Variants in MPP2 observed in about 807,000 individuals in gnomAD.
MPP2 encodes the protein MAGUK p55 subfamily member 2.
Under a neutral mutation model 58.5 loss-of-function variants are expected in MPP2, and 42 were observed. The observed-to-expected ratio is 0.72, with a 90% CI of 0.56 to 0.93. MPP2 has a LOEUF of 0.93. MPP2 is among the 40% of genes least tolerant of loss of function. The probability of loss-of-function intolerance (pLI) is 0.00; values close to 1 mark genes in which losing one functional copy is unlikely to be tolerated. For synonymous variants in MPP2, 300 were observed against 307.8 expected (o/e 0.97, Z 0.26); for missense variants, 632 against 760.4 (o/e 0.83, Z 1.99).
chr17:43,907,453 C>A, intron 1 of MPP2, 21 bp downstream of exon 1: 1 of 985,566 alleles, frequency 1.0e-6, no homozygotes, highest in East Asian at 1.1e-4. Context: ...GGAGCTGGCC[C>A]GGGGGCCGGG....
Position 43,880,018 on chromosome 17 carries a change from C to A in MPP2, c.1151-34G>T. 1 of 1,608,034 alleles carries A rather than the reference C, an allele frequency of 6.2e-7. No individual in the cohort carries two copies. Among genetic ancestry groups the A allele is most frequent in the South Asian group, 1.1e-5 (1 of 90,888 alleles). On this transcript the variant is annotated intron_variant, in intron 10 of 12. Coordinates refer to ENST00000269095, the MANE Select transcript of MPP2 (RefSeq NM_005374.5). The surrounding 1 kb of genome is among the most constrained non-coding windows in gnomAD (Gnocchi z 5.2). ...ATGGGGGTAGGTTGGACCAAATGGG[C>A]AGGGGCAGGTTACAGTGCCTCAGAC...
intron 3 of MPP2, chr17:43,884,087 A>T: frequency 1.4e-6 from 1 of 702,732 alleles, no homozygotes. Context: ...ACTTTACCCC[A>T]AAGTATTTCA....
intron 1 of MPP2, among the ~76,000 whole-genome samples, chr17:43,906,868 C>G (rs114708456): frequency 1.4e-4 from 21 of 150,974 alleles, no homozygotes; most frequent in Middle Eastern, 3.2e-3. Flanking sequence ...ACCGCCCCCC[C>G]CTTAATTGAC....
intron 3 of MPP2, among the ~76,000 whole-genome samples, chr17:43,889,121 T>C (rs57800611): frequency 0.02 from 3,047 of 152,172 alleles, 74 homozygotes; most frequent in African/African-American, 0.059. Context: ...AGATGAGGTT[T>C]CACCATGTTG....
intron 6 of MPP2, 147 bp from the exon 7 acceptor site, chr17:43,881,736 C>T: frequency 9.1e-7 from 1 of 1,095,616 alleles, no homozygotes; most frequent in Non-Finnish European, 1.3e-6. Context: ...CCTGCCCATG[C>T]TCCTCCCTGG....
At position 43,880,633 on chromosome 17, in the gene MPP2, G is replaced by T. The variant is rs2047066182; in HGVS notation, c.1150+58C>A. 1.3e-6 allele frequency: 2 copies of T among 1,534,132 alleles called. No individual in the cohort carries two copies. The highest frequency in any genetic ancestry group is 1.8e-6 in the Non-Finnish European group (2 of 1,137,114). ...ATGCCCATTCGGTGGGCCCAGCCCT[G>T]GCCCCAGGGGAGCCCTGCTCCTTGT... On this transcript the variant is annotated intron_variant, in intron 10 of 12. Transcript: ENST00000269095. This position sits in a 1 kb window ranked among gnomAD's most constrained non-coding sequence, Gnocchi z 5.2.
In MPP2 at chr17:43,880,394, C is replaced by T. The variant is rs1475135784; in HGVS notation, c.1150+297G>A. ...CACACATGCAGCTCGTAGCCTGTTTCACCCGGGTGCACAGCTGGGCACTCA... is the reference window on the plus strand; with the variant it reads ...CACACATGCAGCTCGTAGCCTGTTTTACCCGGGTGCACAGCTGGGCACTCA... On this transcript the variant is annotated intron_variant, in intron 10 of 12. Coordinates refer to ENST00000269095, the MANE Select transcript of MPP2 (RefSeq NM_005374.5). This position sits in a 1 kb window ranked among gnomAD's most constrained non-coding sequence, Gnocchi z 5.2. Among the ~76,000 whole-genome samples, 1 of 152,332 alleles carries T rather than the reference C, an allele frequency of 6.6e-6. No individual in the cohort carries two copies. Among genetic ancestry groups the T allele is most frequent in the East Asian group, 1.9e-4 (1 of 5,182 alleles).
At chr17:43,899,255 AAAAAAG>A (rs1172515498) in intron 2 of MPP2, among the ~76,000 whole-genome samples, 1 of 53,334 alleles carries the variant, frequency 1.9e-5, no homozygotes, top group Non-Finnish European at 4.7e-5. Flanking sequence ...TCAAAAAAAA[AAAAAAG>A]AAAAAGAAAA....
chr17:43,901,142 A>AG (rs2048081409), intron 2 of MPP2: 2 of 443,106 alleles, frequency 4.5e-6, no homozygotes, highest in Admixed American at 1.3e-4. Context: ...CTCCACCGGG[A>AG]GGCAGCCTCA....
chr17:43,882,562 A>T, intron 5 of MPP2, 51 bp from the exon 6 acceptor site: 1 of 1,550,698 alleles, frequency 6.4e-7, no homozygotes, highest in Non-Finnish European at 8.7e-7. Flanking sequence ...CCAAGTCAGA[A>T]TCTTCAAATA....
Position 43,879,960 on chromosome 17 carries a change from G to C in MPP2, c.1175C>G (p.Ser392Ter). The change falls in exon 11 of 13, where the codon TCA (serine) becomes TGA (stop). Residue 392 changes from serine (S) to a stop codon, truncating the protein, a stop_gained. Transcript: ENST00000269095. LOFTEE classifies it high-confidence loss of function. This position sits in a 1 kb window ranked among gnomAD's most constrained non-coding sequence, Gnocchi z 4.1. ...GCTGTAACCCTGACCTTCCCGCTCTGAGTCTTTCGGCCGCCGGGAGGTGTC... is the reference window on the plus strand; with the variant it reads ...GCTGTAACCCTGACCTTCCCGCTCTCAGTCTTTCGGCCGCCGGGAGGTGTC... ...VPYTSRRPKD[S>*]EREGQGYSFV... 1 of 1,614,064 alleles carries C rather than the reference G, an allele frequency of 6.2e-7. No homozygotes were observed. The highest frequency in any genetic ancestry group is 8.5e-7 in the Non-Finnish European group (1 of 1,179,994).
intron 3 of MPP2, among the ~76,000 whole-genome samples, chr17:43,896,774 CT>C (rs1252511825): frequency 6.6e-6 from 1 of 152,180 alleles, no homozygotes; most frequent in African/African-American, 2.4e-5. Flanking sequence ...CAAACCTTCC[CT>C]TCTGAATCTT....
chr17:43,880,790 T>A lies in MPP2; in HGVS notation c.1051A>T (p.Lys351Ter). Reference protein sequence around the residue: ...EVARMPPFRRKTLVLIGAQGV... With the variant: ...EVARMPPFRR ...TGAGCCCCAATCAGTACCAGGGTTT[T>A]CCGGCGGAACGGGGGCATGCGGGCC... Residue 351 changes from lysine to a stop codon, truncating the protein, a stop_gained, in exon 10 of 13, where the codon AAA becomes TAA. Transcript: ENST00000269095. LOFTEE classifies it high-confidence loss of function. This position sits in a 1 kb window ranked among gnomAD's most constrained non-coding sequence, Gnocchi z 5.2. 1 of 1,613,794 alleles carries A rather than the reference T, an allele frequency of 6.2e-7. No homozygotes were observed. The highest frequency in any genetic ancestry group is 8.5e-7 in the Non-Finnish European group (1 of 1,179,762).
At position 43,883,333 on chromosome 17, in the gene MPP2, G is replaced by C. The variant is rs755175397; in HGVS notation, c.173C>G (p.Thr58Arg). The change falls in exon 4 of 13, where the codon ACG becomes AGG. Residue 58 changes from threonine (T) to arginine (R), a missense_variant. By Grantham distance (71) the Thr-to-Arg change is moderately conservative (BLOSUM62 -1). Transcript: ENST00000269095. ...GTTGTCTCTCACGGCCTCCAGCTTC[G>C]TCTCCTCCAGCCTCTCATGGGCCTG... ...LAKAHERLEETKLEAVRDNNL... is the reference protein window; with the variant it reads ...LAKAHERLEERKLEAVRDNNL... The C allele has an allele frequency of 6.2e-7, 1 of 1,612,034 alleles. No homozygotes were observed. The highest frequency in any genetic ancestry group is 1.1e-5 in the South Asian group (1 of 90,978).
At chr17:43,901,577 G>C (rs1286335229) in intron 2 of MPP2, 1 of 985,338 alleles carries the variant, frequency 1.0e-6, no homozygotes, top group Non-Finnish European at 1.2e-6. Flanking sequence ...TGCACCCCTG[G>C]TTGCCATGAC....
Position 43,879,692 on chromosome 17 carries a change from T to C in MPP2, c.1353+90A>G. ...GGGCAAAGGGGGTACATGGGCGTGT[T>C]CAGGTGACAGGTGTCTGGAACTATA... is the stretch of plus-strand genomic sequence containing the variant. On this transcript the variant is annotated intron_variant, in intron 11 of 12. Coordinates refer to ENST00000269095, the MANE Select transcript of MPP2 (RefSeq NM_005374.5). This position sits in a 1 kb window ranked among gnomAD's most constrained non-coding sequence, Gnocchi z 4.1. The C allele has an allele frequency of 7.0e-7, 1 of 1,435,654 alleles. No individual in the cohort carries two copies. Among genetic ancestry groups the C allele is most frequent in the South Asian group, 1.2e-5 (1 of 82,672 alleles). 88.9% of individuals were successfully genotyped at this position (1,435,654 alleles called of 1,614,324 possible). A position where few individuals can be genotyped will look rare whatever the true frequency, so the allele number is the denominator to read the frequency against.
rs950280765 is a variant in MPP2, at chr17:43,882,618, AC to A, written c.454-108del. On this transcript the variant is annotated intron_variant, in intron 5 of 12. Coordinates refer to ENST00000269095, the MANE Select transcript of MPP2 (RefSeq NM_005374.5). ...TTCCTGTCCCTACCCACCCACCCCC[AC>A]CCTCACAAAGTCCTCCTCCATCCTT... 3.1e-5 allele frequency: 12 copies of A among 391,120 alleles called. No homozygotes were observed. In the African/African-American group the frequency reaches 7.5e-4, roughly 25 times the overall value. 24.2% of individuals were successfully genotyped at this position (391,120 alleles called of 1,614,324 possible). A position where few individuals can be genotyped will look rare whatever the true frequency, so the allele number is the denominator to read the frequency against.
intron 3 of MPP2, among the ~76,000 whole-genome samples, chr17:43,895,392 G>A (rs2047802360): frequency 1.3e-5 from 2 of 152,190 alleles, no homozygotes; most frequent in African/African-American, 4.8e-5. Flanking sequence ...GACTAAAGCT[G>A]TAAGCCACAC....
In MPP2 at chr17:43,898,456, C is replaced by G. The variant is rs890778682; in HGVS notation, c.32-76G>C. On this transcript the variant is annotated intron_variant, in intron 2 of 12. Transcript: ENST00000269095. Reference sequence around the variant, plus strand: ...AGACCAAAACACACCACAATACTTGCCACTTCCCCACCCCCATGTCCCACA... The same window carrying G: ...AGACCAAAACACACCACAATACTTGGCACTTCCCCACCCCCATGTCCCACA... The G allele has an allele frequency of 1.3e-5, 12 of 944,260 alleles. No homozygotes were observed. The African/African-American group carries it at 1.8e-4, about 14-fold the overall frequency. 58.5% of individuals were successfully genotyped at this position (944,260 alleles called of 1,614,324 possible).
Sources: allele counts gnomAD v4.1 joint callset (sites outside exome capture counted in the v4.1 genomes callset), GRCh38; gene constraint gnomAD v4.1.1; non-coding constraint Gnocchi (gnomAD v3.1); transcripts MANE v1.5; gene names NCBI Gene and HGNC (gene_info 2026-07-23, HGNC 2026-07-21).